Variants in PACSIN1 observed in about 807,000 individuals in gnomAD.
PACSIN1 encodes the protein protein kinase C and casein kinase substrate in neurons 1.
PACSIN1 carries 15 observed loss-of-function variants against 59.5 expected under a neutral mutation model. The ratio of observed to expected loss-of-function variants is 0.25; its 90% CI spans 0.17 to 0.39. The LOEUF is 0.39. PACSIN1 is among the 10% of genes least tolerant of loss of function. The probability of loss-of-function intolerance (pLI) is 1.00; values close to 1 mark genes in which losing one functional copy is unlikely to be tolerated. For missense variants in PACSIN1, 420 were observed against 580.2 expected (o/e 0.72, Z 2.84); for synonymous variants, 210 against 220.6 (o/e 0.95, Z 0.42).
chr6:34,532,851 C>A lies in PACSIN1; in HGVS notation c.*321C>A. On this transcript the variant is annotated 3_prime_UTR_variant, in exon 10 of 10. Transcript: ENST00000244458. This position sits in a 1 kb window ranked among gnomAD's most constrained non-coding sequence, Gnocchi z 5.2. The stretch of plus-strand genomic sequence containing the variant: ...AGGGATGGATGTCTCCTGACCCTTC[C>A]ACCCCGCCTCACTCCCTCCGTCCCA... 4.3e-6 allele frequency: 1 copy of A among 234,640 alleles called. No homozygotes were observed. 14.5% of individuals were successfully genotyped at this position (234,640 alleles called of 1,614,324 possible).
Position 34,529,872 on chromosome 6 carries a change from A to G in PACSIN1, c.788+31A>G, listed in dbSNP as rs561171302. The G allele has an allele frequency of 5.0e-6, 8 of 1,602,294 alleles. No individual in the cohort carries two copies. Among genetic ancestry groups the G allele is most frequent in the Non-Finnish European group, 6.8e-6 (8 of 1,173,654 alleles). On this transcript the variant is annotated intron_variant, in intron 6 of 9. Coordinates refer to ENST00000244458, the MANE Select transcript of PACSIN1 (RefSeq NM_020804.5). This position sits in a 1 kb window ranked among gnomAD's most constrained non-coding sequence, Gnocchi z 6.3. ...TGGGCATGGCAGGCACCGAGGGCAC[A>G]GGCACAGCCAGCAGATGGTGTGACT...
chr6:34,495,705 G>A (rs987601355), intron 1 of PACSIN1, among the ~76,000 whole-genome samples: 2 of 152,078 alleles, frequency 1.3e-5, no homozygotes, highest in African/African-American at 4.8e-5. Context: ...CGCCCACCTC[G>A]GCCTCCTAAA....
At position 34,514,398 on chromosome 6, in the gene PACSIN1, C is replaced by T. The variant is rs1235635719; in HGVS notation, c.-63-11845C>T. 6.6e-6 allele frequency among the ~76,000 whole-genome samples: 1 copy of T among 152,160 alleles called. No homozygotes were observed. The highest frequency in any genetic ancestry group is 1.5e-5 in the Non-Finnish European group (1 of 68,034). ...ATGGCACGAGGTTGTGCATGAGCATCTCTCACACTCAGCCTGGCCTAGAAA... is the reference window on the plus strand; with the variant it reads ...ATGGCACGAGGTTGTGCATGAGCATTTCTCACACTCAGCCTGGCCTAGAAA... On this transcript the variant is annotated intron_variant, in intron 1 of 9. Coordinates refer to ENST00000244458, the MANE Select transcript of PACSIN1 (RefSeq NM_020804.5). This position sits in a 1 kb window ranked among gnomAD's most constrained non-coding sequence, Gnocchi z 4.4.
rs915325094 is a variant in PACSIN1, at chr6:34,514,680, A to G, written c.-63-11563A>G. 1.3e-5 allele frequency among the ~76,000 whole-genome samples: 2 copies of G among 152,128 alleles called. No homozygotes were observed. The highest frequency in any genetic ancestry group is 4.8e-5 in the African/African-American group (2 of 41,442). ...GTCTCTGTGGCCGTGAAGTGTATGC[A>G]TGCGTGCCCATGTTGATGCGGCGCC... On this transcript the variant is annotated intron_variant, in intron 1 of 9. Coordinates refer to ENST00000244458, the MANE Select transcript of PACSIN1 (RefSeq NM_020804.5). This position sits in a 1 kb window ranked among gnomAD's most constrained non-coding sequence, Gnocchi z 4.4.
chr6:34,481,621 G>A (rs890694261), intron 1 of PACSIN1, among the ~76,000 whole-genome samples: 2 of 151,346 alleles, frequency 1.3e-5, no homozygotes, highest in South Asian at 2.1e-4. Context: ...AGTGAGCCGA[G>A]ATCGTGCCAC....
Position 34,530,492 on chromosome 6 carries a change from CAAG to C in PACSIN1, c.946_948del (p.Lys316del). 2 of 1,608,036 alleles carry C rather than the reference CAAG, an allele frequency of 1.2e-6. No homozygotes were observed. Among genetic ancestry groups the C allele is most frequent in the Non-Finnish European group, 1.7e-6 (2 of 1,177,204 alleles). On this transcript the variant is annotated inframe_deletion, in exon 8 of 10. Transcript: ENST00000244458. This position sits in a 1 kb window ranked among gnomAD's most constrained non-coding sequence, Gnocchi z 4.4. ...ACCCAGACCTTCCTCACACCACCAC[CAAG>C]AAGGAGAAACAGCCTAAGAAGGCAG... is the stretch of plus-strand genomic sequence containing the variant.
At position 34,530,581 on chromosome 6, in the gene PACSIN1, G is replaced by A. The variant is rs199727996; in HGVS notation, c.1031G>A (p.Arg344His). The A allele has an allele frequency of 1.7e-5, 27 of 1,575,208 alleles. No individual in the cohort carries two copies. Among genetic ancestry groups the A allele is most frequent in the East Asian group, 6.8e-5 (3 of 44,294 alleles). Residue 344 changes from arginine to histidine, a missense_variant, in exon 8 of 10, where the codon CGC becomes CAC. Transcript: ENST00000244458. The surrounding 1 kb of genome is among the most constrained non-coding windows in gnomAD (Gnocchi z 4.4). Reference protein sequence around the residue: ...AVESTSQAGDRGSVSSYDRGQ... With the variant: ...AVESTSQAGDHGSVSSYDRGQ... ...GAGTCCACATCCCAGGCTGGGGACC[G>A]CGGCAGGTGAGTGCCTCCTGTGGAG...
At chr6:34,471,112 A>G (rs1766566109) in intron 1 of PACSIN1, among the ~76,000 whole-genome samples, 2 of 151,796 alleles carry the variant, frequency 1.3e-5, no homozygotes. Context: ...CACCCAGCTA[A>G]TTTTTCTGTA....
chr6:34,503,310 T>C (rs1250046841), intron 1 of PACSIN1, among the ~76,000 whole-genome samples: 2 of 151,126 alleles, frequency 1.3e-5, no homozygotes, highest in African/African-American at 4.8e-5. Flanking sequence ...AAAGCCTGAT[T>C]GAAATTCCCA....
At position 34,531,843 on chromosome 6, in the gene PACSIN1, G is replaced by A; in HGVS notation, c.1225+56G>A. The A allele has an allele frequency of 2.0e-6, 3 of 1,494,430 alleles. No homozygotes were observed. The South Asian group carries it at 3.9e-5, about 20-fold the overall frequency. 92.6% of individuals were successfully genotyped at this position (1,494,430 alleles called of 1,614,324 possible). The stretch of plus-strand genomic sequence containing the variant: ...AGAGGCTTGGGCCTGGATTGGGTGT[G>A]TGGTGGTGCAGGGGCGGTGCCTGAG... On this transcript the variant is annotated intron_variant, in intron 9 of 9. Coordinates refer to ENST00000244458, the MANE Select transcript of PACSIN1 (RefSeq NM_020804.5). The surrounding 1 kb of genome is among the most constrained non-coding windows in gnomAD (Gnocchi z 4.4).
At chr6:34,468,096 C>T (rs1373949082) in intron 1 of PACSIN1, among the ~76,000 whole-genome samples, 2 of 152,178 alleles carry the variant, frequency 1.3e-5, no homozygotes, top group African/African-American at 4.8e-5. Flanking sequence ...TGGGAAAATC[C>T]AGGTCAACAT....
At chr6:34,486,306 G>A (rs1217823700) in intron 1 of PACSIN1, among the ~76,000 whole-genome samples, 2 of 152,124 alleles carry the variant, frequency 1.3e-5, no homozygotes, top group African/African-American at 4.8e-5. Context: ...AGGAGGAGGT[G>A]TTGTAAAATA....
Position 34,514,836 on chromosome 6 carries a change from G to C in PACSIN1, c.-63-11407G>C, listed in dbSNP as rs1358062577. ...AGGAGGCGGGTCGGGATCGGGGAGT[G>C]GGGAGGAGGCAGCGGTGGAGGGAGC... On this transcript the variant is annotated intron_variant, in intron 1 of 9. Transcript: ENST00000244458. This position sits in a 1 kb window ranked among gnomAD's most constrained non-coding sequence, Gnocchi z 4.4. 1 of 152,896 alleles carries C rather than the reference G, an allele frequency of 6.5e-6. No homozygotes were observed. 9.5% of individuals were successfully genotyped at this position (152,896 alleles called of 1,614,324 possible). A position where few individuals can be genotyped will look rare whatever the true frequency, so the allele number is the denominator to read the frequency against.
At position 34,532,226 on chromosome 6, in the gene PACSIN1, G is replaced by T. The variant is rs1228918303; in HGVS notation, c.1226-195G>T. Among the ~76,000 whole-genome samples the T allele has an allele frequency of 2.0e-5, 3 of 152,094 alleles. No individual in the cohort carries two copies. Among genetic ancestry groups the T allele is most frequent in the Non-Finnish European group, 2.9e-5 (2 of 67,996 alleles). ...CCAGATTAGGTGAATGGCTGAGGTA[G>T]GCCAAGACCCCTATGCCAAGGGTGG... On this transcript the variant is annotated intron_variant, in intron 9 of 9. Coordinates refer to ENST00000244458, the MANE Select transcript of PACSIN1 (RefSeq NM_020804.5). This position sits in a 1 kb window ranked among gnomAD's most constrained non-coding sequence, Gnocchi z 5.2.
intron 3 of PACSIN1, among the ~76,000 whole-genome samples, chr6:34,528,296 T>C (rs1030400770): frequency 6.6e-6 from 1 of 152,244 alleles, no homozygotes; most frequent in African/African-American, 2.4e-5. Flanking sequence ...TGCTTGGCGC[T>C]GTGCTGGGCT....
At chr6:34,517,496 C>G (rs1318243298) in intron 1 of PACSIN1, among the ~76,000 whole-genome samples, 3 of 152,044 alleles carry the variant, frequency 2.0e-5, no homozygotes, top group Non-Finnish European at 4.4e-5. Flanking sequence ...TTCCCTCCCC[C>G]AACCTCTCCA....
At chr6:34,490,419 C>G (rs1448793500) in intron 1 of PACSIN1, among the ~76,000 whole-genome samples, 1 of 152,034 alleles carries the variant, frequency 6.6e-6, no homozygotes, top group Non-Finnish European at 1.5e-5. Context: ...TGCTGCCCTT[C>G]TGGCTTGCCC....
chr6:34,528,898 C>CGCCCGG, intron 4 of PACSIN1, 21 bp downstream of exon 4: 1 of 298,364 alleles, frequency 3.4e-6, no homozygotes, highest in Non-Finnish European at 6.2e-6. Flanking sequence ...GGTGCTGCCA[C>CGCCCGG]GGGCGGGGTG....
chr6:34,503,998 G>C (rs1302433156), intron 1 of PACSIN1, among the ~76,000 whole-genome samples: 1 of 151,936 alleles, frequency 6.6e-6, no homozygotes, highest in Non-Finnish European at 1.5e-5. Flanking sequence ...GTATCTTTTT[G>C]TATAGATTTT....
Sources: allele counts gnomAD v4.1 joint callset (sites outside exome capture counted in the v4.1 genomes callset), GRCh38; gene constraint gnomAD v4.1.1; non-coding constraint Gnocchi (gnomAD v3.1); transcripts MANE v1.5; gene names NCBI Gene and HGNC (gene_info 2026-07-23, HGNC 2026-07-21).